PTPN3: variants seen among roughly 807,000 people sequenced by gnomAD.
PTPN3 encodes tyrosine-protein phosphatase non-receptor type 3.
In PTPN3, 96 loss-of-function variants were observed where a neutral mutation model predicts 132.7. The observed-to-expected ratio is 0.72, with a 90% CI of 0.61 to 0.86. PTPN3 has a LOEUF of 0.86. Among genes scored for constraint, PTPN3 ranks in the 40% least tolerant of loss-of-function variants. PTPN3 has a pLI of 0.00. For missense variants in PTPN3, 1,125 were observed against 1,159.6 expected (o/e 0.97, Z 0.43); for synonymous variants, 398 against 429.0 (o/e 0.93, Z 0.89).
chr9:109,432,473 G>C (rs578166542), intron 10 of PTPN3, among the ~76,000 whole-genome samples: 21 of 152,226 alleles, frequency 1.4e-4, no homozygotes, highest in Admixed American at 5.9e-4. Flanking sequence ...TTACCATTAT[G>C]TAGATGGTAT....
intron 14 of PTPN3, among the ~76,000 whole-genome samples, chr9:109,413,877 C>T (rs1842271297): frequency 6.6e-6 from 1 of 152,168 alleles, no homozygotes; most frequent in African/African-American, 2.4e-5. Context: ...GAAAGAGACA[C>T]TCCCGCACGA....
At chr9:109,527,063 A>T in the PTPN3 span, among the ~76,000 whole-genome samples, 1 of 152,258 alleles carries the variant, frequency 6.6e-6, no homozygotes, top group Admixed American at 6.5e-5. Flanking sequence ...AGGGCAACAT[A>T]ACAGGATATC....
At chr9:109,445,961 A>T (rs1174922737) in intron 6 of PTPN3, among the ~76,000 whole-genome samples, 2 of 152,090 alleles carry the variant, frequency 1.3e-5, no homozygotes, top group South Asian at 2.1e-4. Context: ...CTTTCCTCTT[A>T]AACTCACTGC....
chr9:109,523,714 C>T, the PTPN3 span, among the ~76,000 whole-genome samples: 3 of 152,296 alleles, frequency 2.0e-5, no homozygotes, highest in African/African-American at 7.2e-5. Context: ...GGTAACTTCA[C>T]CCCATACATG....
Position 109,375,995 on chromosome 9 carries a change from C to T in PTPN3, c.*3561G>A, listed in dbSNP as rs576954831. On this transcript the variant is annotated 3_prime_UTR_variant, in exon 26 of 26. Transcript: ENST00000374541. ...CTCAGCTGAGGACAACAGGCAAGAACCAGAAGGTGGCCATCCTTGTCTTTG... is the reference window on the plus strand; with the variant it reads ...CTCAGCTGAGGACAACAGGCAAGAATCAGAAGGTGGCCATCCTTGTCTTTG... 4.6e-5 allele frequency: 7 copies of T among 152,300 alleles called. No homozygotes were observed. In the South Asian group the frequency reaches 1.2e-3, roughly 27 times the overall value. The allele number at this position is 152,300 out of a possible 1,614,324, so 9.4% of individuals were successfully genotyped here. A position where few individuals can be genotyped will look rare whatever the true frequency, so the allele number is the denominator to read the frequency against.
At position 109,436,936 on chromosome 9, in the gene PTPN3, T is replaced by C. The variant is rs1198861166; in HGVS notation, c.622A>G (p.Ile208Val). 4.3e-6 allele frequency: 7 copies of C among 1,614,008 alleles called. No individual in the cohort carries two copies. In the African/African-American group the frequency reaches 8.0e-5, roughly 18 times the overall value. ...LKQSEAESCY[I>V]NIARTLDFYG... Reference sequence around the variant, plus strand: ...AAGTCGAGGGTCCGCGCTATGTTGATATAGCAGGATTCTGCTTCTGATTGT... The same window carrying C: ...AAGTCGAGGGTCCGCGCTATGTTGACATAGCAGGATTCTGCTTCTGATTGT... The change falls in exon 9 of 26, where the codon ATC (isoleucine) becomes GTC (valine). Residue 208 changes from isoleucine (I) to valine (V), a missense_variant. Transcript: ENST00000374541.
chr9:109,421,249 A>C (rs1232498073), intron 13 of PTPN3, among the ~76,000 whole-genome samples: 1 of 152,170 alleles, frequency 6.6e-6, no homozygotes, highest in Admixed American at 6.5e-5. Flanking sequence ...CCTGAGAATG[A>C]ATCCAATGAG....
intron 7 of PTPN3, among the ~76,000 whole-genome samples, chr9:109,441,015 A>G (rs777378346): frequency 1.3e-5 from 2 of 152,184 alleles, no homozygotes; most frequent in Non-Finnish European, 2.9e-5. Flanking sequence ...GATATAGGCA[A>G]TGCTTTTTAT....
chr9:109,518,686 G>A, the PTPN3 span, among the ~76,000 whole-genome samples: 29 of 152,230 alleles, frequency 1.9e-4, no homozygotes, highest in Admixed American at 1.9e-3. Flanking sequence ...GGGCCCTGAG[G>A]TTACAACTGA....
chr9:109,446,542 G>T (rs1458561994), intron 6 of PTPN3, among the ~76,000 whole-genome samples: 2 of 152,152 alleles, frequency 1.3e-5, no homozygotes, highest in South Asian at 2.1e-4. Context: ...GAGAGCTCGT[G>T]GGGAGGATAG....
At position 109,411,345 on chromosome 9, in the gene PTPN3, C is replaced by T. The variant is rs900608476; in HGVS notation, c.1314-930G>A. 3.3e-5 allele frequency among the ~76,000 whole-genome samples: 5 copies of T among 152,284 alleles called. No individual in the cohort carries two copies. The East Asian group carries it at 5.8e-4, about 18-fold the overall frequency. On this transcript the variant is annotated intron_variant, in intron 14 of 25. Coordinates refer to ENST00000374541, the MANE Select transcript of PTPN3 (RefSeq NM_002829.4). ...AGCAGACAGAAACCTGACCGATGTG[C>T]GTCCTAAGCCTTTCTTCCCTCTCCA...
At chr9:109,458,989 A>C (rs1376301069) in intron 2 of PTPN3, among the ~76,000 whole-genome samples, 3 of 152,246 alleles carry the variant, frequency 2.0e-5, no homozygotes, top group Admixed American at 2.0e-4. Context: ...GCCAACGAGC[A>C]GAGGCACCGA....
rs115602932 is a variant in PTPN3, at chr9:109,427,896, C to T, written c.828+725G>A. On this transcript the variant is annotated intron_variant, in intron 11 of 25. Coordinates refer to ENST00000374541, the MANE Select transcript of PTPN3 (RefSeq NM_002829.4). ...AGTGCTGTGGAAAGAGCAGGTGTCT[C>T]GGATTCGTAATGATCTGGTTAAAAT... 3.7e-3 allele frequency among the ~76,000 whole-genome samples: 561 copies of T among 152,306 alleles called. 2 individuals are homozygous for T. The highest frequency in any genetic ancestry group is 0.013 in the African/African-American group (538 of 41,560).
chr9:109,527,056 G>A, the PTPN3 span, among the ~76,000 whole-genome samples: 1 of 152,126 alleles, frequency 6.6e-6, no homozygotes, highest in Non-Finnish European at 1.5e-5. Context: ...ATTCTAAAGG[G>A]CAACATAACA....
At chr9:109,391,008 C>T in intron 21 of PTPN3, 130 bp downstream of exon 21, 1 of 773,206 alleles carries the variant, frequency 1.3e-6, no homozygotes, top group South Asian at 1.6e-5. Context: ...CCTCCCATGG[C>T]TGTTGTGGTG....
the PTPN3 span, among the ~76,000 whole-genome samples, chr9:109,536,162 C>T: frequency 2.6e-5 from 4 of 152,174 alleles, no homozygotes; most frequent in Non-Finnish European, 5.9e-5. Flanking sequence ...ATAATATTTT[C>T]AAGGTTCATC....
At chr9:109,470,693 C>T (rs1018966755) in intron 1 of PTPN3, among the ~76,000 whole-genome samples, 8 of 29,232 alleles carry the variant, frequency 2.7e-4, no homozygotes, top group African/African-American at 5.7e-4. Flanking sequence ...GAGACCTCAT[C>T]CAAAAAAAAA....
chr9:109,410,298 G>C lies in PTPN3; in HGVS notation c.1431C>G (p.Leu477=), dbSNP rs1226332016. The change falls in exon 15 of 26, where the codon CTC becomes CTG. Residue 477 remains leucine (L), a synonymous_variant. Coordinates refer to ENST00000374541, the MANE Select transcript of PTPN3 (RefSeq NM_002829.4). The part of the protein sequence containing the change: ...SCSPDGVDQQ[L]LDDFHRVTKG... ...TGGTCACCCTGTGGAAGTCATCTAA[G>C]AGCTGCTGATCAACGCCGTCAGGTG... 5 of 1,614,172 alleles carry C rather than the reference G, an allele frequency of 3.1e-6. No homozygotes were observed. Among genetic ancestry groups the C allele is most frequent in the Admixed American group, 1.7e-5 (1 of 60,022 alleles).
intron 1 of PTPN3, among the ~76,000 whole-genome samples, chr9:109,495,805 G>A (rs2132131889): frequency 6.6e-6 from 1 of 152,344 alleles, no homozygotes; most frequent in South Asian, 2.1e-4. Context: ...GAATCGAGGG[G>A]TCAGAGACAT....
Sources: gnomAD v4.1 joint callset for allele counts (sites outside exome capture counted in the v4.1 genomes callset) on GRCh38, gnomAD v4.1.1 for gene constraint, MANE v1.5 for transcripts, NCBI Gene and HGNC (gene_info 2026-07-23, HGNC 2026-07-21) for gene names.